MGST1: variants seen among roughly 807,000 people sequenced by gnomAD.
The protein encoded by MGST1 is glutathione S-transferase 12.
Under a neutral mutation model 8.9 loss-of-function variants are expected in MGST1, and 5 were observed. The observed-to-expected ratio is 0.56, with a 90% CI of 0.29 to 1.19. The LOEUF (loss-of-function observed/expected upper bound fraction) is 1.19. MGST1 is among the 50% of genes most tolerant of loss of function. The pLI is 0.08. For missense variants in MGST1, 182 were observed against 187.4 expected (o/e 0.97, Z 0.17); for synonymous variants, 54 against 67.8 (o/e 0.80, Z 1.00).
chr12:16,489,145 G>T (rs1319311256), intron 4 of MGST1, among the ~76,000 whole-genome samples: 1 of 151,764 alleles, frequency 6.6e-6, no homozygotes, highest in Non-Finnish European at 1.5e-5. Flanking sequence ...AAATAAATAG[G>T]TAAATACTTA....
In MGST1 at chr12:16,389,400, G is replaced by A. The variant is rs1482832475; in HGVS notation, n.778+5796G>A. Reference sequence around the variant, plus strand: ...TATAGAAGACCATTTAAACCAGACTGTAGTTGAACTAAAATAAATAAGGTC... The same window carrying A: ...TATAGAAGACCATTTAAACCAGACTATAGTTGAACTAAAATAAATAAGGTC... On this transcript the variant is annotated intron_variant and non_coding_transcript_variant, in intron 1 of 1. Transcript: ENST00000359720. This position sits in a 1 kb window ranked among gnomAD's most constrained non-coding sequence, Gnocchi z 4.6. Among the ~76,000 whole-genome samples, 2 of 152,208 alleles carry A rather than the reference G, an allele frequency of 1.3e-5. No homozygotes were observed. The highest frequency in any genetic ancestry group is 2.4e-5 in the African/African-American group (1 of 41,458).
At chr12:16,390,048 C>T (rs1940536609) in intron 1 of MGST1, among the ~76,000 whole-genome samples, 1 of 152,122 alleles carries the variant, frequency 6.6e-6, no homozygotes. Context: ...GGCAAGCGCT[C>T]CAAAAGGGAG....
intron 4 of MGST1, among the ~76,000 whole-genome samples, chr12:16,501,835 T>C (rs1404787217): frequency 6.6e-6 from 1 of 152,158 alleles, no homozygotes; most frequent in Non-Finnish European, 1.5e-5. Context: ...CAAATACTCA[T>C]ATTTATCATT....
At chr12:16,396,476 G>T (rs887442540) in intron 1 of MGST1, among the ~76,000 whole-genome samples, 4 of 152,100 alleles carry the variant, frequency 2.6e-5, no homozygotes. Context: ...TATCCAAATC[G>T]GTAAAGAGGA....
chr12:16,483,907 A>G lies in MGST1; in HGVS notation n.482+100303A>G, dbSNP rs561923777. Among the ~76,000 whole-genome samples, 99 of 152,316 alleles carry G rather than the reference A, an allele frequency of 6.5e-4. 2 individuals are homozygous for G. The highest frequency in any genetic ancestry group is 2.3e-3 in the African/African-American group (97 of 41,574). On this transcript the variant is annotated intron_variant and non_coding_transcript_variant, in intron 4 of 4. Transcript: ENST00000538857. ...ACATAAAATGCACAGTACCTTCTTG[A>G]GAACACACAAAATATTTACAAAAAC...
rs1941502283 is a variant in MGST1 at position 16,500,965 on chromosome 12, G to C, written n.483-88563G>C. ...CTGAAAATACAAAAAACTTAGCTGGGTATGGTGGTGTGCACCTGTAGTCCC... is the reference window on the plus strand; with the variant it reads ...CTGAAAATACAAAAAACTTAGCTGGCTATGGTGGTGTGCACCTGTAGTCCC... On this transcript the variant is annotated intron_variant and non_coding_transcript_variant, in intron 4 of 4. Transcript: ENST00000538857. This position sits in a 1 kb window ranked among gnomAD's most constrained non-coding sequence, Gnocchi z 4.3. Among the ~76,000 whole-genome samples, 1 of 152,012 alleles carries C rather than the reference G, an allele frequency of 6.6e-6. No homozygotes were observed. Among genetic ancestry groups the C allele is most frequent in the Admixed American group, 6.6e-5 (1 of 15,260 alleles).
exon 4 of MGST1, chr12:16,376,326 G>A (rs567781407): frequency 2.6e-5 from 12 of 469,820 alleles, no homozygotes; most frequent in East Asian, 2.0e-4. Context: ...AAAGACAATC[G>A]GAAATTAGCT....
At chr12:16,378,831 G>A (rs1489666957), downstream of MGST1, among the ~76,000 whole-genome samples, 1 of 151,900 alleles carries the variant, frequency 6.6e-6, no homozygotes, top group Non-Finnish European at 1.5e-5. Context: ...ATTGAGCAGT[G>A]GTTTGTAGTT....
downstream of MGST1, among the ~76,000 whole-genome samples, chr12:16,365,392 C>G (rs768824051): frequency 3.3e-5 from 5 of 152,052 alleles, no homozygotes; most frequent in Non-Finnish European, 5.9e-5. Context: ...TCTTTTGATG[C>G]ATTTTAATTT....
At chr12:16,348,617 A>G (rs2975138) in intron 1 of MGST1, among the ~76,000 whole-genome samples, 106,044 of 151,782 alleles carry the variant, frequency 0.7, 37,567 homozygotes, top group Middle Eastern at 0.76. Context: ...ATTGCTGTAT[A>G]GCACCCAGGC....
intron 4 of MGST1, among the ~76,000 whole-genome samples, chr12:16,571,047 A>G (rs899899072): frequency 6.6e-6 from 1 of 152,100 alleles, no homozygotes; most frequent in Non-Finnish European, 1.5e-5. Flanking sequence ...AATAAATTTT[A>G]AAAAAATCTA....
chr12:16,399,240 G>C, intron 1 of MGST1: 1 of 1,566,324 alleles, frequency 6.4e-7, no homozygotes, highest in Non-Finnish European at 8.7e-7. Flanking sequence ...GGTTTGGCTA[G>C]AGGAAGAAAG....
At chr12:16,403,066 TA>T (rs1441268357) in intron 1 of MGST1, among the ~76,000 whole-genome samples, 1 of 152,020 alleles carries the variant, frequency 6.6e-6, no homozygotes, top group Non-Finnish European at 1.5e-5. Flanking sequence ...TAATCATTTT[TA>T]TCCTTGACTT....
Position 16,546,958 on chromosome 12 carries a change from C to T in MGST1, n.483-42570C>T, listed in dbSNP as rs781242061. Among the ~76,000 whole-genome samples, 2 of 152,116 alleles carry T rather than the reference C, an allele frequency of 1.3e-5. No homozygotes were observed. Among genetic ancestry groups the T allele is most frequent in the Non-Finnish European group, 2.9e-5 (2 of 67,984 alleles). ...AAATTAAATCGTGTGTATACTAAAG[C>T]GTTGTAAAATTGACTCAAGTGTTTT... On this transcript the variant is annotated intron_variant and non_coding_transcript_variant, in intron 4 of 4. Transcript: ENST00000538857. The surrounding 1 kb of genome is among the most constrained non-coding windows in gnomAD (Gnocchi z 4.7).
chr12:16,458,292 G>T lies in MGST1; in HGVS notation n.482+74688G>T, dbSNP rs1392523713. Among the ~76,000 whole-genome samples, 2 of 151,992 alleles carry T rather than the reference G, an allele frequency of 1.3e-5. No homozygotes were observed. Among genetic ancestry groups the T allele is most frequent in the Admixed American group, 6.6e-5 (1 of 15,226 alleles). ...GTTTCAATTTAGGAGCTTGGCTGGG[G>T]TCAGCAGATTGCTTATGCTGATCGC... is the stretch of plus-strand genomic sequence containing the variant. On this transcript the variant is annotated intron_variant and non_coding_transcript_variant, in intron 4 of 4. Coordinates refer to the MGST1 transcript ENST00000538857. The surrounding 1 kb of genome is among the most constrained non-coding windows in gnomAD (Gnocchi z 4.0).
chr12:16,554,998 G>A (rs1027471168), intron 4 of MGST1, among the ~76,000 whole-genome samples: 2 of 152,134 alleles, frequency 1.3e-5, no homozygotes, highest in Non-Finnish European at 2.9e-5. Context: ...TCTTCTAACT[G>A]TAATCTTGGG....
At chr12:16,427,735 C>T (rs915892915) in intron 1 of MGST1, among the ~76,000 whole-genome samples, 2 of 152,274 alleles carry the variant, frequency 1.3e-5, no homozygotes, top group Admixed American at 6.5e-5. Context: ...TGACTTGATA[C>T]TGGCTATTGA....
intron 1 of MGST1, among the ~76,000 whole-genome samples, chr12:16,432,685 C>G (rs1231206666): frequency 2.8e-5 from 1 of 35,408 alleles, no homozygotes; most frequent in Non-Finnish European, 5.3e-5. Context: ...CTCTGACACA[C>G]ACACACACAC....
At chr12:16,514,076 T>C (rs1941594871) in intron 4 of MGST1, 2 of 378,156 alleles carry the variant, frequency 5.3e-6, no homozygotes, top group Non-Finnish European at 1.0e-5. Flanking sequence ...ATAGCAACAG[T>C]GGTGAAGAAA....
Sources: gnomAD v4.1 joint callset for allele counts (sites outside exome capture counted in the v4.1 genomes callset) on GRCh38, gnomAD v4.1.1 for gene constraint, Gnocchi (gnomAD v3.1) non-coding constraint, MANE v1.5 for transcripts, NCBI Gene and HGNC (gene_info 2026-07-23, HGNC 2026-07-21) for gene names.